Variants in FCER1A observed in about 807,000 individuals in gnomAD.
The protein encoded by FCER1A is Fc epsilon receptor Ia.
FCER1A carries 24 observed loss-of-function variants against 23.6 expected under a neutral mutation model. That is an observed-to-expected ratio of 1.02 (90% confidence interval 0.74 to 1.43). FCER1A has a LOEUF of 1.43. Among genes scored for constraint, FCER1A ranks in the 40% most tolerant of loss-of-function variants. The pLI, the probability that FCER1A is intolerant of heterozygous loss-of-function variation, is 0.00. For synonymous variants in FCER1A, 121 were observed against 108.8 expected (o/e 1.11, Z -0.70); for missense variants, 318 against 294.5 (o/e 1.08, Z -0.58).
intron 1 of FCER1A, among the ~76,000 whole-genome samples, chr1:159,291,617 T>C (rs1003175875): frequency 1.3e-5 from 2 of 152,210 alleles, no homozygotes; most frequent in African/African-American, 2.4e-5. Context: ...TTCAATTATT[T>C]AACTTATACT....
At chr1:159,283,740 C>G in the FCER1A span, among the ~76,000 whole-genome samples, 5 of 152,264 alleles carry the variant, frequency 3.3e-5, no homozygotes, top group Non-Finnish European at 5.9e-5. Context: ...GACATTGGCT[C>G]ATTTGGCTTG....
chr1:159,286,534 A>G (rs369129125), upstream of FCER1A, among the ~76,000 whole-genome samples: 232 of 152,114 alleles, frequency 1.5e-3, no homozygotes, highest in Middle Eastern at 6.8e-3. Flanking sequence ...GGGTTTCACC[A>G]TGTTAGCCAG....
Position 159,294,646 on chromosome 1 carries a change from A to G in FCER1A, c.-60+4893A>G, listed in dbSNP as rs1278646076. The stretch of plus-strand genomic sequence containing the variant: ...CTTGTCTGCTTATTATCTCTCTTGT[A>G]TCACCAGCAAATGACAGAGTGCTTG... On this transcript the variant is annotated intron_variant, in intron 1 of 5. Coordinates refer to the FCER1A transcript ENST00000368115. Among the ~76,000 whole-genome samples, 4 of 152,294 alleles carry G rather than the reference A, an allele frequency of 2.6e-5. No individual in the cohort carries two copies. In the East Asian group the frequency reaches 7.7e-4, roughly 29 times the overall value.
intron 1 of FCER1A, among the ~76,000 whole-genome samples, chr1:159,293,661 G>C (rs553493158): frequency 2.7e-5 from 4 of 149,586 alleles, no homozygotes; most frequent in African/African-American, 9.8e-5. Context: ...TTTTGTTCTT[G>C]TGATAGTTTA....
intron 3 of FCER1A, among the ~76,000 whole-genome samples, chr1:159,304,425 C>T (rs1318367815): frequency 2.0e-5 from 3 of 151,950 alleles, no homozygotes; most frequent in African/African-American, 7.2e-5. Flanking sequence ...ATGGTGAAAC[C>T]CCATCTCTGC....
At chr1:159,285,108 G>A (rs998453298), upstream of FCER1A, among the ~76,000 whole-genome samples, 4 of 152,138 alleles carry the variant, frequency 2.6e-5, no homozygotes, top group African/African-American at 4.8e-5. Flanking sequence ...GGTGAGTTAG[G>A]AGGGGAGATG....
At chr1:159,291,441 C>A (rs1436174922) in intron 1 of FCER1A, among the ~76,000 whole-genome samples, 1 of 152,026 alleles carries the variant, frequency 6.6e-6, no homozygotes, top group Non-Finnish European at 1.5e-5. Context: ...TTTTTCCTCT[C>A]AAAGACTTGT....
upstream of FCER1A, among the ~76,000 whole-genome samples, chr1:159,288,973 T>C (rs1571073766): frequency 6.6e-6 from 1 of 152,214 alleles, no homozygotes. Context: ...ATGACTATGA[T>C]CCTTTCCTTT....
chr1:159,286,300 AC>A (rs1652014221), upstream of FCER1A, among the ~76,000 whole-genome samples: 1 of 152,122 alleles, frequency 6.6e-6, no homozygotes, highest in Admixed American at 6.5e-5. Flanking sequence ...GATCCCATCA[AC>A]CTTTATCATT....
intron 1 of FCER1A, among the ~76,000 whole-genome samples, chr1:159,294,661 C>T (rs1652249236): frequency 1.3e-5 from 2 of 152,078 alleles, no homozygotes; most frequent in Admixed American, 1.3e-4. Flanking sequence ...CAGCAAATGA[C>T]AGAGTGCTTG....
intron 2 of FCER1A, 113 bp from the exon 3 acceptor site, chr1:159,303,815 C>T: frequency 2.6e-6 from 2 of 776,060 alleles, no homozygotes; most frequent in Non-Finnish European, 4.1e-6. Flanking sequence ...AGAATAAGGA[C>T]AGGTTGACCA....
intron 1 of FCER1A, 47 bp from the exon 2 acceptor site, chr1:159,302,807 T>TA (rs1652475348): frequency 1.3e-6 from 2 of 1,592,266 alleles, no homozygotes; most frequent in African/African-American, 2.7e-5. Flanking sequence ...CCTCTGGAGA[T>TA]AAAGAAGACT....
chr1:159,294,948 A>C (rs1652255623), intron 1 of FCER1A, among the ~76,000 whole-genome samples: 1 of 152,206 alleles, frequency 6.6e-6, no homozygotes, highest in African/African-American at 2.4e-5. Context: ...TCTACCAGCA[A>C]ACTATGATCA....
rs78272474 is a variant in FCER1A at position 159,303,339 on chromosome 1, A to C, written c.76+465A>C. On this transcript the variant is annotated intron_variant, in intron 2 of 4. Transcript: ENST00000693622. ...TATCTACTTCTTTGGTCTCTGTTCAAATTTGCACTACATCCCCTTGTTCCA... is the reference window on the plus strand; with the variant it reads ...TATCTACTTCTTTGGTCTCTGTTCACATTTGCACTACATCCCCTTGTTCCA... 1.5e-3 allele frequency among the ~76,000 whole-genome samples: 229 copies of C among 152,210 alleles called. 8 individuals carry two copies. The East Asian group carries it at 0.041, about 28-fold the overall frequency.
chr1:159,295,759 T>A (rs77478142), intron 1 of FCER1A, among the ~76,000 whole-genome samples: 2 of 152,186 alleles, frequency 1.3e-5, no homozygotes, highest in Non-Finnish European at 2.9e-5. Context: ...GGCCCTTTTT[T>A]CTTCTTCAGA....
intron 4 of FCER1A, among the ~76,000 whole-genome samples, chr1:159,307,543 G>A (rs1652651512): frequency 6.6e-6 from 1 of 152,136 alleles, no homozygotes; most frequent in Non-Finnish European, 1.5e-5. Context: ...AAATGCTTAG[G>A]ACTCCCTGTG....
upstream of FCER1A, among the ~76,000 whole-genome samples, chr1:159,302,067 C>T (rs1177067623): frequency 6.6e-6 from 1 of 152,190 alleles, no homozygotes; most frequent in Non-Finnish European, 1.5e-5. Flanking sequence ...AATAGTTGTA[C>T]ACAGATTGAC....
chr1:159,295,231 T>C (rs1652268223), intron 1 of FCER1A, among the ~76,000 whole-genome samples: 1 of 152,178 alleles, frequency 6.6e-6, no homozygotes, highest in African/African-American at 2.4e-5. Flanking sequence ...TTGTTCTGTG[T>C]TTGGCAGCCT....
At chr1:159,301,756 A>G (rs1358008764), upstream of FCER1A, among the ~76,000 whole-genome samples, 1 of 152,206 alleles carries the variant, frequency 6.6e-6, no homozygotes, top group Non-Finnish European at 1.5e-5. Flanking sequence ...GAATATGTAT[A>G]AACAGTACAT....
Sources: allele counts gnomAD v4.1 joint callset (sites outside exome capture counted in the v4.1 genomes callset), GRCh38; gene constraint gnomAD v4.1.1; transcripts MANE v1.5; gene names NCBI Gene and HGNC (gene_info 2026-07-23, HGNC 2026-07-21).